PTPN9: variants seen among roughly 807,000 people sequenced by gnomAD.
PTPN9 encodes the protein tyrosine-protein phosphatase non-receptor type 9.
Under a neutral mutation model 69.8 loss-of-function variants are expected in PTPN9, and 26 were observed. The ratio of observed to expected loss-of-function variants is 0.37; its 90% CI spans 0.27 to 0.52. PTPN9 has a LOEUF of 0.52. Among genes scored for constraint, PTPN9 ranks in the 20% least tolerant of loss-of-function variants. PTPN9 has a pLI of 0.91. For synonymous variants in PTPN9, 274 were observed against 272.5 expected (o/e 1.01, Z -0.05); for missense variants, 549 against 740.3 (o/e 0.74, Z 3.00).
At chr15:75,569,324 T>C (rs918193039) in intron 1 of PTPN9, among the ~76,000 whole-genome samples, 3 of 152,166 alleles carry the variant, frequency 2.0e-5, no homozygotes, top group Non-Finnish European at 2.9e-5. Context: ...AATTACTATG[T>C]CTTTTCCAAG....
chr15:75,498,004 A>G (rs2074752557), intron 7 of PTPN9, among the ~76,000 whole-genome samples: 1 of 150,216 alleles, frequency 6.7e-6, no homozygotes, highest in Admixed American at 6.7e-5. Context: ...AGCCTAGTCA[A>G]TATGGTGAAA....
intron 1 of PTPN9, among the ~76,000 whole-genome samples, chr15:75,537,113 A>G (rs1053867107): frequency 1.3e-5 from 2 of 152,026 alleles, no homozygotes. Flanking sequence ...GCACTTTGGG[A>G]GGCCAAGGCA....
intron 8 of PTPN9, among the ~76,000 whole-genome samples, chr15:75,486,836 G>A (rs2074680792): frequency 6.9e-6 from 1 of 145,184 alleles, no homozygotes; most frequent in Non-Finnish European, 1.5e-5. Context: ...CCAGGCTGGA[G>A]TGCACTGGTG....
chr15:75,546,477 A>C (rs1021183311), intron 1 of PTPN9, among the ~76,000 whole-genome samples: 3 of 151,994 alleles, frequency 2.0e-5, no homozygotes, highest in Non-Finnish European at 4.4e-5. Flanking sequence ...CCCCATCTCT[A>C]CTAAAAGCAT....
intron 1 of PTPN9, among the ~76,000 whole-genome samples, chr15:75,578,304 C>G (rs1446580975): frequency 6.6e-6 from 1 of 152,202 alleles, no homozygotes; most frequent in Non-Finnish European, 1.5e-5. Context: ...GAAGCACCCC[C>G]CAAACTGGGG....
intron 9 of PTPN9, among the ~76,000 whole-genome samples, chr15:75,478,114 C>T (rs1303353365): frequency 2.0e-5 from 3 of 151,684 alleles, no homozygotes; most frequent in African/African-American, 7.3e-5. Context: ...GCTGGGATTA[C>T]AGGCATGAAC....
At chr15:75,544,870 G>T (rs766036816) in intron 1 of PTPN9, among the ~76,000 whole-genome samples, 1 of 152,058 alleles carries the variant, frequency 6.6e-6, no homozygotes, top group Non-Finnish European at 1.5e-5. Context: ...GGAGGAATGT[G>T]AATGGCTGTG....
At chr15:75,495,689 C>A (rs1015516624) in intron 7 of PTPN9, among the ~76,000 whole-genome samples, 1 of 151,916 alleles carries the variant, frequency 6.6e-6, no homozygotes, top group Non-Finnish European at 1.5e-5. Context: ...TACACTCCAG[C>A]CTGGGCAACA....
intron 1 of PTPN9, among the ~76,000 whole-genome samples, chr15:75,529,760 A>C (rs1173432667): frequency 1.3e-5 from 2 of 151,814 alleles, no homozygotes; most frequent in Non-Finnish European, 2.9e-5. Flanking sequence ...AAATACAAAA[A>C]TCAGCCAGGC....
intron 1 of PTPN9, among the ~76,000 whole-genome samples, chr15:75,559,137 C>T (rs1460389148): frequency 1.3e-5 from 2 of 151,184 alleles, no homozygotes; most frequent in Admixed American, 1.3e-4. Flanking sequence ...GCCTCTGCCC[C>T]GCCGCCCCGT....
At chr15:75,514,186 T>C (rs2141315536) in intron 5 of PTPN9, among the ~76,000 whole-genome samples, 1 of 152,040 alleles carries the variant, frequency 6.6e-6, no homozygotes, top group East Asian at 1.9e-4. Flanking sequence ...TTTTTTTCTT[T>C]TGGATTTCTC....
intron 10 of PTPN9, 59 bp from the exon 11 acceptor site, chr15:75,470,889 G>T: frequency 1.9e-6 from 3 of 1,576,644 alleles, no homozygotes; most frequent in Non-Finnish European, 2.6e-6. Context: ...CAGTAACCTG[G>T]CTTCCCCAAA....
At chr15:75,490,518 A>AGG (rs2074703364) in intron 7 of PTPN9, among the ~76,000 whole-genome samples, 1 of 152,334 alleles carries the variant, frequency 6.6e-6, no homozygotes, top group East Asian at 1.9e-4. Context: ...CAAAAGAGAG[A>AGG]GGGAGACCAG....
intron 2 of PTPN9, 122 bp downstream of exon 2, chr15:75,526,996 T>C (rs2074931067): frequency 7.9e-7 from 1 of 1,265,786 alleles, no homozygotes; most frequent in African/African-American, 1.5e-5. Flanking sequence ...TGGATATGGA[T>C]CCATTTTTTA....
chr15:75,480,618 G>T, intron 8 of PTPN9: 2 of 1,158,270 alleles, frequency 1.7e-6, no homozygotes, highest in Non-Finnish European at 2.2e-6. Flanking sequence ...GTGCGGAGCC[G>T]GGACAGTCGC....
intron 5 of PTPN9, among the ~76,000 whole-genome samples, chr15:75,512,112 T>C (rs1444250193): frequency 6.6e-6 from 1 of 152,212 alleles, no homozygotes; most frequent in African/African-American, 2.4e-5. Context: ...TTCAAAGTGC[T>C]GGGATTACAG....
At chr15:75,555,316 G>A (rs535518249) in intron 1 of PTPN9, among the ~76,000 whole-genome samples, 27 of 152,084 alleles carry the variant, frequency 1.8e-4, no homozygotes, top group East Asian at 1.9e-4. Flanking sequence ...TTCACTTCTA[G>A]ATGTTTCCTT....
chr15:75,485,122 C>T (rs1469533920), intron 8 of PTPN9, among the ~76,000 whole-genome samples: 1 of 152,110 alleles, frequency 6.6e-6, no homozygotes, highest in Non-Finnish European at 1.5e-5. Context: ...TGCAGCAGAC[C>T]CAGCATGCTA....
chr15:75,502,032 C>T (rs938284752), intron 7 of PTPN9, among the ~76,000 whole-genome samples: 14 of 152,094 alleles, frequency 9.2e-5, no homozygotes, highest in Admixed American at 2.6e-4. Flanking sequence ...TGGCACATAC[C>T]TGTAGTCCCA....
Sources: gnomAD v4.1 joint callset for allele counts (sites outside exome capture counted in the v4.1 genomes callset) on GRCh38, gnomAD v4.1.1 for gene constraint, MANE v1.5 for transcripts, NCBI Gene and HGNC (gene_info 2026-07-23, HGNC 2026-07-21) for gene names.